RALGPS2: variants seen among roughly 807,000 people sequenced by gnomAD.
The protein encoded by RALGPS2 is Ral GEF with PH domain and SH3 binding motif 2.
A neutral mutation model predicts 86.8 loss-of-function variants in RALGPS2; 43 were observed. The observed-to-expected ratio is 0.50, with a 90% CI of 0.39 to 0.64. The LOEUF is 0.64. RALGPS2 is among the 30% of genes least tolerant of loss of function. The probability of loss-of-function intolerance (pLI) is 0.00; values close to 1 mark genes in which losing one functional copy is unlikely to be tolerated. For missense variants in RALGPS2, 536 were observed against 694.6 expected (o/e 0.77, Z 2.57); for synonymous variants, 243 against 231.3 (o/e 1.05, Z -0.46).
chr1:178,783,331 A>G (rs1410084066), intron 2 of RALGPS2, among the ~76,000 whole-genome samples: 1 of 152,142 alleles, frequency 6.6e-6, no homozygotes, highest in African/African-American at 2.4e-5. Context: ...CAAAGAGAAA[A>G]TAGAATGAAA....
intron 5 of RALGPS2, among the ~76,000 whole-genome samples, chr1:178,810,041 G>C (rs1032556460): frequency 6.6e-6 from 1 of 151,640 alleles, no homozygotes; most frequent in African/African-American, 2.4e-5. Flanking sequence ...GAGCCCAAGA[G>C]TTCAAGACCA....
At chr1:178,877,346 A>G in intron 8 of RALGPS2, 152 bp from the exon 9 acceptor site, 3 of 1,214,506 alleles carry the variant, frequency 2.5e-6, no homozygotes, top group South Asian at 3.6e-5. Flanking sequence ...CAGTAACCAT[A>G]TGTTACCCAG....
At chr1:178,815,760 T>C (rs572199920) in intron 6 of RALGPS2, among the ~76,000 whole-genome samples, 2 of 152,230 alleles carry the variant, frequency 1.3e-5, no homozygotes, top group East Asian at 3.9e-4. Flanking sequence ...CCAAACAACA[T>C]TTCCTCCATA....
chr1:178,862,593 T>TTTATTTA (rs1553272297), intron 8 of RALGPS2, among the ~76,000 whole-genome samples: 127 of 140,752 alleles, frequency 9.0e-4, no homozygotes, highest in Middle Eastern at 3.6e-3. Context: ...GTTGCATTTT[T>TTTATTTA]TTTATTTATT....
rs914155365 is a variant in RALGPS2 at position 178,852,568 on chromosome 1, A to C, written c.607+19018A>C. 8.0e-6 allele frequency: 9 copies of C among 1,121,466 alleles called. No homozygotes were observed. The African/African-American group carries it at 1.4e-4, about 18-fold the overall frequency. 69.5% of individuals were successfully genotyped at this position (1,121,466 alleles called of 1,614,324 possible). A position where few individuals can be genotyped will look rare whatever the true frequency, so the allele number is the denominator to read the frequency against. On this transcript the variant is annotated intron_variant, in intron 8 of 19. Transcript: ENST00000367635. ...CAGTAGGTTGGTTGTATTTCCTGCCACAGTGACCAAAACTGACCTTTTTGA... is the reference window on the plus strand; with the variant it reads ...CAGTAGGTTGGTTGTATTTCCTGCCCCAGTGACCAAAACTGACCTTTTTGA...
chr1:178,856,234 T>TATATATATATATATACATACAC (rs1368301659), intron 8 of RALGPS2, among the ~76,000 whole-genome samples: 1 of 128,776 alleles, frequency 7.8e-6, no homozygotes, highest in African/African-American at 3.2e-5. Flanking sequence ...TATATATATA[T>TATATATATATATATACATACAC]GGTTTTGGGT....
chr1:178,756,081 T>C (rs1426180785), intron 1 of RALGPS2, among the ~76,000 whole-genome samples: 2 of 152,228 alleles, frequency 1.3e-5, no homozygotes, highest in Admixed American at 6.5e-5. Context: ...CTTTGTCAGA[T>C]GCATAGTTGG....
chr1:178,914,385 G>A (rs536949905), intron 19 of RALGPS2, among the ~76,000 whole-genome samples: 6 of 152,204 alleles, frequency 3.9e-5, no homozygotes, highest in Middle Eastern at 6.8e-3. Context: ...GGTGAGAGTG[G>A]GCCATTCCAC....
intron 1 of RALGPS2, among the ~76,000 whole-genome samples, chr1:178,770,575 C>A (rs1652751151): frequency 1.4e-5 from 2 of 142,848 alleles, no homozygotes; most frequent in Non-Finnish European, 3.0e-5. Flanking sequence ...GTGGTGCAAT[C>A]TTGGCTTACT....
At chr1:178,728,734 A>G (rs779329690) in intron 1 of RALGPS2, among the ~76,000 whole-genome samples, 22 of 152,124 alleles carry the variant, frequency 1.4e-4, no homozygotes, top group Non-Finnish European at 2.5e-4. Flanking sequence ...TTTTAGTGAG[A>G]GAATAAAGAT....
chr1:178,775,454 AG>A (rs376991589), intron 1 of RALGPS2, among the ~76,000 whole-genome samples: 1 of 152,316 alleles, frequency 6.6e-6, no homozygotes, highest in Non-Finnish European at 1.5e-5. Context: ...AAAACGTCAT[AG>A]ATCTTTAAAG....
At chr1:178,779,368 T>C (rs752059012) in intron 2 of RALGPS2, among the ~76,000 whole-genome samples, 3 of 152,212 alleles carry the variant, frequency 2.0e-5, no homozygotes, top group Non-Finnish European at 4.4e-5. Context: ...TTTCTCTTAG[T>C]ATATTGGATG....
chr1:178,766,172 G>A (rs139765489), intron 1 of RALGPS2, among the ~76,000 whole-genome samples: 35 of 152,264 alleles, frequency 2.3e-4, no homozygotes, highest in African/African-American at 7.9e-4. Context: ...AATGATAAAA[G>A]TATTAATTTG....
intron 13 of RALGPS2, among the ~76,000 whole-genome samples, chr1:178,888,371 A>G (rs1051853395): frequency 3.3e-5 from 5 of 152,172 alleles, no homozygotes; most frequent in East Asian, 1.9e-4. Flanking sequence ...TGCAATATTA[A>G]TCTACAGTGA....
intron 2 of RALGPS2, among the ~76,000 whole-genome samples, chr1:178,783,163 G>A (rs1653476398): frequency 6.6e-6 from 1 of 152,102 alleles, no homozygotes; most frequent in South Asian, 2.1e-4. Context: ...AAACTATTAA[G>A]AATTGAAAAG....
In RALGPS2 at chr1:178,902,126, G is replaced by A; in HGVS notation, c.1545G>A (p.Lys515=). 1 of 1,612,270 alleles carries A rather than the reference G, an allele frequency of 6.2e-7. No individual in the cohort carries two copies. Among genetic ancestry groups the A allele is most frequent in the South Asian group, 1.1e-5 (1 of 90,996 alleles). The change falls in exon 18 of 20, where the codon AAG becomes AAA. Residue 515 remains lysine, a synonymous_variant. Coordinates refer to ENST00000367635, the MANE Select transcript of RALGPS2 (RefSeq NM_152663.5). ...ERKHFKSTSN[K]NVSVIGWMVM... ...CTCAGTTCAAATCAACATCCAATAAGAACGTATCTGTGATAGGATGGATGG... is the reference window on the plus strand; with the variant it reads ...CTCAGTTCAAATCAACATCCAATAAAAACGTATCTGTGATAGGATGGATGG...
intron 8 of RALGPS2, among the ~76,000 whole-genome samples, chr1:178,855,320 T>C (rs976056488): frequency 6.0e-5 from 9 of 150,742 alleles, no homozygotes; most frequent in African/African-American, 2.2e-4. Context: ...TTTTACTTCA[T>C]ATCATCAGTG....
chr1:178,726,458 T>C (rs1650012153), intron 1 of RALGPS2, among the ~76,000 whole-genome samples: 1 of 151,868 alleles, frequency 6.6e-6, no homozygotes, highest in African/African-American at 2.4e-5. Flanking sequence ...TTAATTTGTT[T>C]GAGTTGGGAG....
chr1:178,758,177 C>G (rs146613514), intron 1 of RALGPS2, among the ~76,000 whole-genome samples: 182 of 151,990 alleles, frequency 1.2e-3, no homozygotes, highest in African/African-American at 4.0e-3. Context: ...CTCCTTTCTT[C>G]TTAGTTTATC....
Sources: allele counts gnomAD v4.1 joint callset (sites outside exome capture counted in the v4.1 genomes callset), GRCh38; gene constraint gnomAD v4.1.1; transcripts MANE v1.5; gene names NCBI Gene and HGNC (gene_info 2026-07-23, HGNC 2026-07-21).